The following ASIC2 variants were observed in gnomAD, a reference collection of about 807,000 sequenced individuals.
ASIC2 encodes the protein acid sensing ion channel subunit 2, also known as acid-sensing ion channel 2.
Under a neutral mutation model 57.3 loss-of-function variants are expected in ASIC2, and 25 were observed. The observed-to-expected ratio is 0.44, with a 90% CI of 0.32 to 0.61. ASIC2 has a LOEUF of 0.61. Ranked by LOEUF, ASIC2 falls within the 20% of genes least tolerant of loss-of-function variation. The probability of loss-of-function intolerance (pLI) is 0.06; values close to 1 mark genes in which losing one functional copy is unlikely to be tolerated. For missense variants in ASIC2, 641 were observed against 738.1 expected (o/e 0.87, Z 1.52); for synonymous variants, 319 against 307.5 (o/e 1.04, Z -0.39).
intron 1 of ASIC2, among the ~76,000 whole-genome samples, chr17:34,044,106 ACACACACACACACACACACGCACG>A (rs66954521): frequency 0.15 from 18,556 of 126,854 alleles, 1,186 homozygotes; most frequent in African/African-American, 0.21. Context: ...TGAATCACAC[ACACACACACACACACACACGCACG>A]CACACACACA....
At chr17:33,851,709 C>T (rs1913770254) in intron 1 of ASIC2, among the ~76,000 whole-genome samples, 1 of 152,166 alleles carries the variant, frequency 6.6e-6, no homozygotes, top group African/African-American at 2.4e-5. Flanking sequence ...CCTCTAGACG[C>T]CAGTAGTATC....
At chr17:33,090,970 GT>G in intron 2 of ASIC2, among the ~76,000 whole-genome samples, 1 of 152,308 alleles carries the variant, frequency 6.6e-6, no homozygotes, top group African/African-American at 2.4e-5. Flanking sequence ...CTTCCCTCCA[GT>G]ACAGTCATTG....
intron 1 of ASIC2, among the ~76,000 whole-genome samples, chr17:33,470,518 T>C (rs567984336): frequency 6.6e-6 from 1 of 152,290 alleles, no homozygotes; most frequent in East Asian, 1.9e-4. Flanking sequence ...CCCTCAAACA[T>C]TCTGATTCAG....
chr17:33,829,245 A>C (rs1597893338), intron 1 of ASIC2, among the ~76,000 whole-genome samples: 1 of 152,224 alleles, frequency 6.6e-6, no homozygotes, highest in East Asian at 1.9e-4. Context: ...CCATTCACTG[A>C]CAGCCACTAA....
At chr17:33,681,820 T>G (rs1397139940) in intron 1 of ASIC2, among the ~76,000 whole-genome samples, 2 of 152,236 alleles carry the variant, frequency 1.3e-5, no homozygotes, top group Non-Finnish European at 2.9e-5. Flanking sequence ...TTCACTGTCC[T>G]CTGTCCCCTA....
intron 1 of ASIC2, chr17:33,688,912 G>A (rs1908279218): frequency 6.6e-6 from 1 of 152,180 alleles, no homozygotes; most frequent in Non-Finnish European, 1.5e-5. Flanking sequence ...CTGACCTAAT[G>A]GAGTTCAGGA....
intron 1 of ASIC2, among the ~76,000 whole-genome samples, chr17:33,466,648 A>G (rs1382442372): frequency 6.6e-6 from 1 of 152,176 alleles, no homozygotes; most frequent in Non-Finnish European, 1.5e-5. Context: ...CAAAACAGAG[A>G]TATAGACCAA....
chr17:33,244,062 C>T (rs768461850), intron 1 of ASIC2, among the ~76,000 whole-genome samples: 3 of 152,192 alleles, frequency 2.0e-5, no homozygotes, highest in East Asian at 1.9e-4. Flanking sequence ...AAATGCACAT[C>T]GCTAGGCTAA....
intron 1 of ASIC2, among the ~76,000 whole-genome samples, chr17:34,116,948 A>C (rs1334044608): frequency 6.6e-6 from 1 of 152,048 alleles, no homozygotes; most frequent in Non-Finnish European, 1.5e-5. Flanking sequence ...CAATGTGTGC[A>C]CGGAAATAAG....
chr17:33,457,553 A>AC (rs1912492268), intron 1 of ASIC2, among the ~76,000 whole-genome samples: 1 of 151,820 alleles, frequency 6.6e-6, no homozygotes, highest in Non-Finnish European at 1.5e-5. Flanking sequence ...CCAGGCATAA[A>AC]AATGAACAAG....
intron 1 of ASIC2, among the ~76,000 whole-genome samples, chr17:33,378,029 G>C (rs1281455662): frequency 6.6e-6 from 1 of 152,194 alleles, no homozygotes; most frequent in Non-Finnish European, 1.5e-5. Flanking sequence ...GATACCCCCT[G>C]GTAGGCACAA....
At chr17:33,676,381 G>A (rs1429879405) in intron 1 of ASIC2, among the ~76,000 whole-genome samples, 1 of 152,218 alleles carries the variant, frequency 6.6e-6, no homozygotes, top group East Asian at 1.9e-4. Flanking sequence ...CTAAAGCTAC[G>A]CCTCTTTCAC....
intron 1 of ASIC2, among the ~76,000 whole-genome samples, chr17:33,768,690 A>T (rs546400267): frequency 3.3e-5 from 5 of 152,240 alleles, no homozygotes; most frequent in African/African-American, 1.2e-4. Flanking sequence ...TATTCGCCTG[A>T]TCTCTCCTGA....
intron 1 of ASIC2, among the ~76,000 whole-genome samples, chr17:34,123,028 C>A (rs149853931): frequency 6.6e-6 from 1 of 152,328 alleles, no homozygotes; most frequent in Admixed American, 6.5e-5. Flanking sequence ...TGGAACCAGG[C>A]TCCACCACTC....
At chr17:33,844,263 T>A (rs1044736683) in intron 1 of ASIC2, among the ~76,000 whole-genome samples, 1 of 152,232 alleles carries the variant, frequency 6.6e-6, no homozygotes, top group African/African-American at 2.4e-5. Context: ...AATGAAATTA[T>A]AATTAAAAAT....
At chr17:33,662,668 T>TAAATAAAAA (rs530248877) in intron 1 of ASIC2, among the ~76,000 whole-genome samples, 1 of 128,102 alleles carries the variant, frequency 7.8e-6, no homozygotes, top group East Asian at 2.0e-4. Context: ...AATAAATAAA[T>TAAATAAAAA]AAGTAAAATA....
chr17:33,824,388 A>T (rs565277442), intron 1 of ASIC2, among the ~76,000 whole-genome samples: 2 of 152,126 alleles, frequency 1.3e-5, no homozygotes, highest in East Asian at 3.9e-4. Context: ...GTATATATGT[A>T]TGTATATAAT....
intron 1 of ASIC2, among the ~76,000 whole-genome samples, chr17:33,722,583 T>TAA (rs1450241214): frequency 6.8e-6 from 1 of 147,144 alleles, no homozygotes; most frequent in Non-Finnish European, 1.5e-5. Flanking sequence ...AGCAACATAG[T>TAA]AAGAGCCTCT....
At chr17:33,681,448 G>A (rs115343674) in intron 1 of ASIC2, among the ~76,000 whole-genome samples, 1,831 of 152,054 alleles carry the variant, frequency 0.012, 13 homozygotes, top group Middle Eastern at 0.02. Context: ...CAAAATCCCC[G>A]CCACAATGTA....
Sources: allele counts gnomAD v4.1 joint callset (sites outside exome capture counted in the v4.1 genomes callset), GRCh38; gene constraint gnomAD v4.1.1; transcripts MANE v1.5; gene names NCBI Gene and HGNC (gene_info 2026-07-23, HGNC 2026-07-21).